Variants in MRAP2 observed in about 807,000 individuals in gnomAD.
MRAP2 encodes melanocortin 2 receptor accessory protein 2.
A neutral mutation model predicts 17.4 loss-of-function variants in MRAP2; 20 were observed. The observed-to-expected ratio is 1.15, with a 90% CI of 0.81 to 1.67. The LOEUF is 1.67. Ranked by LOEUF, MRAP2 falls within the 40% of genes most tolerant of loss-of-function variation. The pLI is 0.00. For synonymous variants in MRAP2, 96 were observed against 88.4 expected (o/e 1.09, Z -0.48); for missense variants, 238 against 240.0 (o/e 0.99, Z 0.05).
At chr6:84,107,325 A>AT in the MRAP2 span, among the ~76,000 whole-genome samples, 3 of 152,174 alleles carry the variant, frequency 2.0e-5, no homozygotes, top group Non-Finnish European at 4.4e-5. Flanking sequence ...AGAAGCAAGA[A>AT]TATATATTTT....
At chr6:84,140,338 G>C in the MRAP2 span, among the ~76,000 whole-genome samples, 1 of 152,164 alleles carries the variant, frequency 6.6e-6, no homozygotes, top group Non-Finnish European at 1.5e-5. Context: ...TCTATGACTG[G>C]AGGTGTCTCT....
the MRAP2 span, among the ~76,000 whole-genome samples, chr6:84,122,334 C>A: frequency 5.8e-5 from 6 of 104,172 alleles, no homozygotes; most frequent in East Asian, 8.2e-4. Flanking sequence ...ACTAGCAAAC[C>A]AAATCCAACA....
downstream of MRAP2, among the ~76,000 whole-genome samples, chr6:84,095,236 C>T (rs2099502465): frequency 6.6e-6 from 1 of 152,172 alleles, no homozygotes; most frequent in African/African-American, 2.4e-5. Flanking sequence ...GAGATATTAT[C>T]TTTGTTATGC....
At chr6:84,139,511 A>T in the MRAP2 span, among the ~76,000 whole-genome samples, 560 of 152,180 alleles carry the variant, frequency 3.7e-3, 5 homozygotes, top group Non-Finnish European at 3.9e-3. Context: ...GAGAAAAAAA[A>T]TTTTTCCTTC....
chr6:84,063,712 A>G (rs192556390), intron 3 of MRAP2, among the ~76,000 whole-genome samples: 2 of 152,346 alleles, frequency 1.3e-5, no homozygotes, highest in African/African-American at 4.8e-5. Context: ...AATAGAGAAT[A>G]TTGAATACCT....
the MRAP2 span, among the ~76,000 whole-genome samples, chr6:84,133,401 C>T: frequency 7.2e-5 from 11 of 152,308 alleles, no homozygotes; most frequent in Non-Finnish European, 1.5e-4. Context: ...CAGATAGGGA[C>T]GTTTAAGTCT....
chr6:84,094,948 G>C (rs2099502416), downstream of MRAP2, among the ~76,000 whole-genome samples: 1 of 152,140 alleles, frequency 6.6e-6, no homozygotes, highest in South Asian at 2.1e-4. Flanking sequence ...GGCTACTCAA[G>C]GCAATCTAGT....
intron 3 of MRAP2, among the ~76,000 whole-genome samples, chr6:84,070,081 A>G (rs569120243): frequency 1.3e-5 from 2 of 151,578 alleles, no homozygotes; most frequent in African/African-American, 4.8e-5. Flanking sequence ...TTTTGGTTTC[A>G]ATTTCATTTA....
At chr6:84,116,715 G>A in the MRAP2 span, among the ~76,000 whole-genome samples, 41 of 152,076 alleles carry the variant, frequency 2.7e-4, no homozygotes, top group African/African-American at 9.6e-4. Context: ...TAAATTTTAT[G>A]GAAGGAATTT....
chr6:84,033,780 G>A lies in MRAP2; in HGVS notation c.-111G>A. ...CCTCGGATCTAGGAGCTACTCGCCC[G>A]GCCCTGGGCGGTGGGAGGCGGCGGC... is the stretch of plus-strand genomic sequence containing the variant. On this transcript the variant is annotated 5_prime_UTR_variant, in exon 1 of 4. Coordinates refer to ENST00000257776, the MANE Select transcript of MRAP2 (RefSeq NM_138409.4). 3 of 986,274 alleles carry A rather than the reference G, an allele frequency of 3.0e-6. No homozygotes were observed. Among genetic ancestry groups the A allele is most frequent in the Non-Finnish European group, 3.6e-6 (3 of 830,234 alleles). 61.1% of individuals were successfully genotyped at this position (986,274 alleles called of 1,614,324 possible).
chr6:84,115,290 G>A, the MRAP2 span, among the ~76,000 whole-genome samples: 5 of 152,216 alleles, frequency 3.3e-5, no homozygotes, highest in African/African-American at 1.2e-4. Flanking sequence ...GAGGAATCTA[G>A]AGAGGCAGTC....
chr6:84,050,196 A>G (rs2099490079), intron 1 of MRAP2, among the ~76,000 whole-genome samples: 1 of 152,188 alleles, frequency 6.6e-6, no homozygotes, highest in African/African-American at 2.4e-5. Flanking sequence ...GATTCACAGA[A>G]AAAGAATCAG....
At chr6:84,062,229 T>C (rs1435735825) in intron 2 of MRAP2, 3 of 434,182 alleles carry the variant, frequency 6.9e-6, no homozygotes, top group East Asian at 3.1e-4. Context: ...AGCCAATGCT[T>C]CTGTAACAAT....
the MRAP2 span, among the ~76,000 whole-genome samples, chr6:84,097,305 CTT>C: frequency 1.3e-5 from 2 of 152,172 alleles, no homozygotes; most frequent in Non-Finnish European, 2.9e-5. Context: ...CGAGCCCACT[CTT>C]TTCAGGGCAC....
the MRAP2 span, among the ~76,000 whole-genome samples, chr6:84,128,740 C>T: frequency 1.3e-5 from 2 of 151,936 alleles, no homozygotes; most frequent in African/African-American, 4.8e-5. Flanking sequence ...ATGTGCAGAA[C>T]GTGCAGGTTT....
At chr6:84,130,801 C>T in the MRAP2 span, among the ~76,000 whole-genome samples, 1 of 152,082 alleles carries the variant, frequency 6.6e-6, no homozygotes, top group Non-Finnish European at 1.5e-5. Flanking sequence ...TTTCAAAAAA[C>T]CAGCTCCTGA....
intron 1 of MRAP2, among the ~76,000 whole-genome samples, chr6:84,048,662 G>A (rs958096796): frequency 8.5e-5 from 13 of 152,306 alleles, no homozygotes; most frequent in South Asian, 2.1e-4. Flanking sequence ...AGTCTAACAC[G>A]TTGACACACA....
chr6:84,101,684 A>T, the MRAP2 span, among the ~76,000 whole-genome samples: 1 of 152,248 alleles, frequency 6.6e-6, no homozygotes, highest in Non-Finnish European at 1.5e-5. Flanking sequence ...TTGTTAGAAA[A>T]TAGAAATGCT....
intron 1 of MRAP2, 31 bp from the exon 2 acceptor site, chr6:84,055,281 G>T (rs1021657669): frequency 1.3e-6 from 2 of 1,595,290 alleles, no homozygotes; most frequent in Non-Finnish European, 1.7e-6. Context: ...GAATTAACAG[G>T]TTCTGCGCTT....
Sources: allele counts gnomAD v4.1 joint callset (sites outside exome capture counted in the v4.1 genomes callset), GRCh38; gene constraint gnomAD v4.1.1; transcripts MANE v1.5; gene names NCBI Gene and HGNC (gene_info 2026-07-23, HGNC 2026-07-21).